PDE4D: variants seen among roughly 807,000 people sequenced by gnomAD.
PDE4D encodes the protein phosphodiesterase 4D.
In PDE4D, 24 loss-of-function variants were observed where a neutral mutation model predicts 87.4. That is an observed-to-expected ratio of 0.27 (90% CI 0.20 to 0.39). The LOEUF (loss-of-function observed/expected upper bound fraction) is 0.39, where lower values mean the gene tolerates loss of function less well. Among genes scored for constraint, PDE4D ranks in the 10% least tolerant of loss-of-function variants. PDE4D has a pLI of 1.00. For missense variants in PDE4D, 714 were observed against 1,041.0 expected (o/e 0.69, Z 4.32); for synonymous variants, 384 against 383.2 (o/e 1.00, Z -0.02).
At chr5:60,373,223 G>C (rs1300612402) in intron 1 of PDE4D, among the ~76,000 whole-genome samples, 2 of 152,142 alleles carry the variant, frequency 1.3e-5, no homozygotes, top group African/African-American at 4.8e-5. Flanking sequence ...TAAATATTAG[G>C]ATAATTTACA....
At chr5:59,381,829 T>C (rs1785931575) in intron 1 of PDE4D, among the ~76,000 whole-genome samples, 1 of 151,118 alleles carries the variant, frequency 6.6e-6, no homozygotes, top group Non-Finnish European at 1.5e-5. Context: ...ACTTAACATG[T>C]TTCAGAATAG....
chr5:58,997,949 C>T (rs951003167), intron 6 of PDE4D, among the ~76,000 whole-genome samples: 3 of 152,020 alleles, frequency 2.0e-5, no homozygotes, highest in Non-Finnish European at 4.4e-5. Flanking sequence ...ATTATATATC[C>T]TCCCAATATA....
At chr5:60,047,157 A>G (rs1024966267) in intron 2 of PDE4D, among the ~76,000 whole-genome samples, 23 of 152,162 alleles carry the variant, frequency 1.5e-4, no homozygotes, top group African/African-American at 5.5e-4. Flanking sequence ...ATTTGCGTAG[A>G]GGTGTTTGTA....
intron 6 of PDE4D, among the ~76,000 whole-genome samples, chr5:59,003,875 G>A: frequency 6.6e-6 from 1 of 151,982 alleles, no homozygotes; most frequent in Non-Finnish European, 1.5e-5. Flanking sequence ...ACTTGGTGAG[G>A]CTCCCTGAAG....
intron 1 of PDE4D, among the ~76,000 whole-genome samples, chr5:59,540,607 C>T (rs886199728): frequency 6.6e-6 from 1 of 152,158 alleles, no homozygotes; most frequent in Non-Finnish European, 1.5e-5. Flanking sequence ...TGAGGGCCCA[C>T]ACACAGGCTC....
chr5:59,142,522 T>C (rs1343744547), intron 5 of PDE4D, among the ~76,000 whole-genome samples: 2 of 152,284 alleles, frequency 1.3e-5, no homozygotes, highest in Non-Finnish European at 2.9e-5. Context: ...AAGCAATTAT[T>C]GATTGGCTTG....
At chr5:59,412,891 T>G (rs1002554461) in intron 1 of PDE4D, among the ~76,000 whole-genome samples, 2 of 152,224 alleles carry the variant, frequency 1.3e-5, no homozygotes, top group Non-Finnish European at 2.9e-5. Context: ...ATCCGAAGTC[T>G]TCTGAACTCT....
At chr5:59,825,874 T>C (rs373937333) in intron 1 of PDE4D, among the ~76,000 whole-genome samples, 1 of 152,180 alleles carries the variant, frequency 6.6e-6, no homozygotes, top group Non-Finnish European at 1.5e-5. Flanking sequence ...ACTTACTCAA[T>C]TGTTCTGCAA....
At chr5:59,984,975 C>G (rs1002805931) in intron 3 of PDE4D, among the ~76,000 whole-genome samples, 15 of 152,096 alleles carry the variant, frequency 9.9e-5, no homozygotes, top group Middle Eastern at 3.4e-3. Flanking sequence ...TAAAGGCATA[C>G]TAACCTTTAA....
At position 60,258,050 on chromosome 5, in the gene PDE4D, C is replaced by T. The variant is rs185331960; in HGVS notation, c.-89-72363G>A. ...TGAAGCCTGCCACACACACCTCACTCGCCAGGCCTTGCTTTTGCAATAATG... is the reference window on the plus strand; with the variant it reads ...TGAAGCCTGCCACACACACCTCACTTGCCAGGCCTTGCTTTTGCAATAATG... On this transcript the variant is annotated intron_variant, in intron 1 of 16. Coordinates refer to the PDE4D transcript ENST00000502484. Among the ~76,000 whole-genome samples the T allele has an allele frequency of 9.5e-4, 144 of 152,062 alleles. No individual in the cohort carries two copies. The Middle Eastern group carries it at 0.01, about 11-fold the overall frequency.
At chr5:59,637,667 C>A (rs1041217664) in intron 1 of PDE4D, among the ~76,000 whole-genome samples, 2 of 151,994 alleles carry the variant, frequency 1.3e-5, no homozygotes, top group Non-Finnish European at 2.9e-5. Flanking sequence ...AACCAAACAC[C>A]GCATGTTCTC....
intron 5 of PDE4D, among the ~76,000 whole-genome samples, chr5:59,167,251 TC>T (rs2153470339): frequency 6.6e-6 from 1 of 152,290 alleles, no homozygotes; most frequent in East Asian, 1.9e-4. Context: ...GTCTTGTTCC[TC>T]CTCCTTCACA....
chr5:59,518,411 C>T (rs993641213), intron 1 of PDE4D, among the ~76,000 whole-genome samples: 1 of 152,082 alleles, frequency 6.6e-6, no homozygotes, highest in African/African-American at 2.4e-5. Context: ...AACAAGCAAA[C>T]ATCCTTAATG....
At chr5:60,103,479 G>A (rs1175892304) in intron 2 of PDE4D, among the ~76,000 whole-genome samples, 6 of 152,164 alleles carry the variant, frequency 3.9e-5, no homozygotes, top group Non-Finnish European at 7.4e-5. Flanking sequence ...GTAGAAAGAT[G>A]AGATTTATTA....
chr5:60,495,698 G>A (rs1486418663), intron 1 of PDE4D, among the ~76,000 whole-genome samples: 1 of 152,222 alleles, frequency 6.6e-6, no homozygotes, highest in Non-Finnish European at 1.5e-5. Flanking sequence ...GCCAGGAGTT[G>A]TTTTAGTGCA....
rs181139704 is a variant in PDE4D, at chr5:60,292,691, T to G, written c.-89-107004A>C. 5.8e-4 allele frequency among the ~76,000 whole-genome samples: 88 copies of G among 152,346 alleles called. 1 individual carries two copies. Among genetic ancestry groups the G allele is most frequent in the Middle Eastern group, 3.4e-3 (1 of 294 alleles). On this transcript the variant is annotated intron_variant, in intron 1 of 16. Coordinates refer to the PDE4D transcript ENST00000502484. ...CAAAAAGTATATGTAAAATATTTTATTCTTAAAATGTAGATGTGTTTCTAA... is the reference window on the plus strand; with the variant it reads ...CAAAAAGTATATGTAAAATATTTTAGTCTTAAAATGTAGATGTGTTTCTAA...
intron 1 of PDE4D, among the ~76,000 whole-genome samples, chr5:60,294,521 A>G (rs956215008): frequency 6.6e-6 from 1 of 152,016 alleles, no homozygotes; most frequent in African/African-American, 2.4e-5. Flanking sequence ...TCCATCTTGA[A>G]TTGATTTTTG....
In PDE4D at chr5:59,927,679, G is replaced by A. The variant is rs1755440688; in HGVS notation, c.272+60809C>T. ...TAGTACGAAGGCACATAAATCTAGAGAGGAAGGTAAATGGGAAACATATGG... is the reference window on the plus strand; with the variant it reads ...TAGTACGAAGGCACATAAATCTAGAAAGGAAGGTAAATGGGAAACATATGG... On this transcript the variant is annotated intron_variant, in intron 3 of 16. Coordinates refer to the PDE4D transcript ENST00000502484. Among the ~76,000 whole-genome samples, 4 of 152,304 alleles carry A rather than the reference G, an allele frequency of 2.6e-5. No homozygotes were observed. The South Asian group carries it at 8.3e-4, about 32-fold the overall frequency.
chr5:59,728,431 C>T (rs1353530974), intron 1 of PDE4D, among the ~76,000 whole-genome samples: 2 of 152,044 alleles, frequency 1.3e-5, no homozygotes, highest in Non-Finnish European at 2.9e-5. Context: ...AAACATTCTA[C>T]CCTGACGTTG....
Sources: gnomAD v4.1 joint callset for allele counts (sites outside exome capture counted in the v4.1 genomes callset) on GRCh38, gnomAD v4.1.1 for gene constraint, MANE v1.5 for transcripts, NCBI Gene and HGNC (gene_info 2026-07-23, HGNC 2026-07-21) for gene names.